Variants in SORD observed in about 807,000 individuals in gnomAD.
The protein encoded by SORD is sorbitol dehydrogenase, also known as (R,R)-butanediol dehydrogenase.
SORD carries 18 observed loss-of-function variants against 35.6 expected under a neutral mutation model. The ratio of observed to expected loss-of-function variants is 0.51; its 90% CI spans 0.35 to 0.75. The LOEUF (loss-of-function observed/expected upper bound fraction) is 0.75. SORD is among the 30% of genes least tolerant of loss of function. The pLI, the probability that SORD is intolerant of heterozygous loss-of-function variation, is 0.01. For synonymous variants in SORD, 106 were observed against 152.9 expected (o/e 0.69, Z 2.26); for missense variants, 250 against 390.2 (o/e 0.64, Z 3.03).
intron 3 of SORD, among the ~76,000 whole-genome samples, chr15:45,050,107 G>C (rs1057230621): frequency 2.6e-5 from 4 of 151,952 alleles, no homozygotes; most frequent in African/African-American, 9.7e-5. Flanking sequence ...TTTTGAGACG[G>C]AGTCTCGCAC....
intron 1 of SORD, among the ~76,000 whole-genome samples, chr15:45,037,101 A>C (rs1892880471): frequency 6.6e-6 from 1 of 152,236 alleles, no homozygotes; most frequent in African/African-American, 2.4e-5. Context: ...GACAGGAGGC[A>C]GGAGACAAGC....
rs1212259199 is a variant in SORD at position 45,068,299 on chromosome 15, T to A, written c.610+53T>A. The A allele has an allele frequency of 3.1e-6, 4 of 1,282,534 alleles. No individual in the cohort carries two copies. The South Asian group carries it at 4.7e-5, about 15-fold the overall frequency. 79.4% of individuals were successfully genotyped at this position (1,282,534 alleles called of 1,614,324 possible). A position where few individuals can be genotyped will look rare whatever the true frequency, so the allele number is the denominator to read the frequency against. ...TTGACTGGGAAACAGCGGGTCCTAC[T>A]GTATGTGCATGTGTGAGGAGAGGTT... On this transcript the variant is annotated intron_variant, in intron 6 of 8. Transcript: ENST00000267814.
chr15:45,070,793 G>A (rs575651925), intron 7 of SORD: 53 of 152,308 alleles, frequency 3.5e-4, no homozygotes, highest in African/African-American at 1.3e-3. Flanking sequence ...GTATAAGCTG[G>A]GGGACTTAAA....
chr15:45,049,918 C>T (rs926845979), intron 3 of SORD, among the ~76,000 whole-genome samples: 2 of 152,192 alleles, frequency 1.3e-5, no homozygotes, highest in Non-Finnish European at 2.9e-5. Context: ...CCAGTCCTCA[C>T]TTTTGTCAAA....
chr15:45,065,756 C>CA (rs969748751), intron 5 of SORD, among the ~76,000 whole-genome samples: 1 of 151,840 alleles, frequency 6.6e-6, no homozygotes, highest in African/African-American at 2.4e-5. Flanking sequence ...CCCGTCTCTA[C>CA]AAAAAAATAC....
chr15:45,027,018 G>A (rs1035397785), intron 1 of SORD, among the ~76,000 whole-genome samples: 1 of 152,248 alleles, frequency 6.6e-6, no homozygotes, highest in African/African-American at 2.4e-5. Context: ...CTACTAATTA[G>A]TTAATGATCA....
intron 3 of SORD, among the ~76,000 whole-genome samples, chr15:45,052,480 A>G (rs540607426): frequency 2.0e-5 from 3 of 152,326 alleles, no homozygotes; most frequent in Admixed American, 6.5e-5. Flanking sequence ...CAAAGGGCCA[A>G]TAGTGCCCTC....
rs540769973 is a variant in SORD, at chr15:45,060,397, T to C, written c.266-670T>C. Among the ~76,000 whole-genome samples, 3 of 152,162 alleles carry C rather than the reference T, an allele frequency of 2.0e-5. No homozygotes were observed. The South Asian group carries it at 6.2e-4, about 32-fold the overall frequency. ...TTAGAGAGCAGTTCTCAGGCTGGGT[T>C]TCCAAGCAGGTGTAGTGAGGCATAG... On this transcript the variant is annotated intron_variant, in intron 3 of 8. Transcript: ENST00000267814.
chr15:45,045,625 A>G (rs1442661682), intron 3 of SORD, among the ~76,000 whole-genome samples: 4 of 151,898 alleles, frequency 2.6e-5, no homozygotes, highest in African/African-American at 9.7e-5. Context: ...GGTACAGATA[A>G]GTCTGTGCTA....
intron 3 of SORD, among the ~76,000 whole-genome samples, chr15:45,055,758 C>A (rs1195134581): frequency 3.3e-5 from 5 of 152,086 alleles, no homozygotes; most frequent in Admixed American, 1.3e-4. Flanking sequence ...ACTGGCAAAC[C>A]AAATCCAGCA....
chr15:45,066,050 C>A (rs1170899544), intron 5 of SORD, among the ~76,000 whole-genome samples: 1 of 151,912 alleles, frequency 6.6e-6, no homozygotes, highest in Admixed American at 6.6e-5. Flanking sequence ...TCAAGACCAG[C>A]CTGGCCAACA....
intron 1 of SORD, among the ~76,000 whole-genome samples, chr15:45,035,464 T>C (rs270818): frequency 4.6e-5 from 7 of 151,530 alleles, no homozygotes; most frequent in African/African-American, 9.8e-5. Context: ...CTAGCTAATC[T>C]GGGGGGGAGG....
At chr15:45,039,318 G>A (rs981801099) in intron 1 of SORD, among the ~76,000 whole-genome samples, 23 of 152,110 alleles carry the variant, frequency 1.5e-4, no homozygotes, top group African/African-American at 5.1e-4. Flanking sequence ...TGGTAGAGAT[G>A]GGTGTCACCA....
At position 45,068,913 on chromosome 15, in the gene SORD, T is replaced by C. The variant is rs777880255; in HGVS notation, c.647T>C (p.Ile216Thr). ...SATRLSKAKE[I>T]GADLVLQISK... ...ACCCGATTGTCCAAAGCCAAGGAGA[T>C]TGGGGCTGATTTAGTCCTCCAGATC... The change falls in exon 7 of 9, where the codon ATT becomes ACT. Residue 216 changes from isoleucine (I) to threonine (T), a missense_variant. This residue lies in a region of SORD where 7 missense variants were observed against 27.4 expected (regional missense o/e 0.26). Coordinates refer to ENST00000267814, the MANE Select transcript of SORD (RefSeq NM_003104.6). 56 of 1,572,542 alleles carry C rather than the reference T, an allele frequency of 3.6e-5. No homozygotes were observed. The highest frequency in any genetic ancestry group is 3.4e-4 in the Middle Eastern group (2 of 5,964).
At position 45,061,166 on chromosome 15, in the gene SORD, C is replaced by T. The variant is rs762305046; in HGVS notation, c.365C>T (p.Thr122Met). 31 of 1,614,034 alleles carry T rather than the reference C, an allele frequency of 1.9e-5. No homozygotes were observed. The highest frequency in any genetic ancestry group is 1.7e-4 in the Admixed American group (10 of 59,998). Residue 122 changes from threonine to methionine, a missense_variant, in exon 4 of 9, where the codon ACG becomes ATG. Thr to Met is a moderately conservative substitution (Grantham distance 81). Coordinates refer to ENST00000267814, the MANE Select transcript of SORD (RefSeq NM_003104.6). ...TCACCTTCCATCTTCTTCTGTGCCA[C>T]GCCCCCCGATGACGGGAACCTCTGC... Reference protein sequence around the residue: ...NLSPSIFFCATPPDDGNLCRF... With the variant: ...NLSPSIFFCAMPPDDGNLCRF...
Position 45,026,616 on chromosome 15 carries a change from G to A in SORD, c.66+3267G>A, listed in dbSNP as rs374543268. Among the ~76,000 whole-genome samples the A allele has an allele frequency of 2.2e-4, 25 of 113,184 alleles. No individual in the cohort carries two copies. In the South Asian group the frequency reaches 5.5e-3, roughly 25 times the overall value. 74.3% of individuals were successfully genotyped at this position (113,184 alleles called of 152,430 possible). Reference sequence around the variant, plus strand: ...TGCCTCAGGAACTCCTATGAAGGGAGTTGTTTGGGGAAACTCTCATTCCTA... The same window carrying A: ...TGCCTCAGGAACTCCTATGAAGGGAATTGTTTGGGGAAACTCTCATTCCTA... On this transcript the variant is annotated intron_variant, in intron 1 of 8. Transcript: ENST00000267814.
Position 45,023,357 on chromosome 15 carries a change from G to T in SORD, c.66+8G>T. ...CCGGGGGACTTGCGCCTGGTAAGCTGGGAAGGAGGGTGGGAAGCATACCGA... is the reference window on the plus strand; with the variant it reads ...CCGGGGGACTTGCGCCTGGTAAGCTTGGAAGGAGGGTGGGAAGCATACCGA... On this transcript the variant is annotated splice_region_variant and intron_variant, in intron 1 of 8. Transcript: ENST00000267814. The T allele has an allele frequency of 6.4e-7, 1 of 1,567,018 alleles. No homozygotes were observed. Among genetic ancestry groups the T allele is most frequent in the African/African-American group, 1.4e-5 (1 of 72,572 alleles).
At chr15:45,053,056 T>C (rs1205769126) in intron 3 of SORD, among the ~76,000 whole-genome samples, 1 of 152,200 alleles carries the variant, frequency 6.6e-6, no homozygotes, top group Non-Finnish European at 1.5e-5. Context: ...ACTGTCTCTT[T>C]TGGAAAAGTT....
intron 3 of SORD, among the ~76,000 whole-genome samples, chr15:45,053,914 G>T (rs1437753472): frequency 5.1e-5 from 7 of 138,280 alleles, no homozygotes; most frequent in African/African-American, 1.6e-4. Flanking sequence ...TTGTCCTTGC[G>T]ATAGTTTACC....
Sources: gnomAD v4.1 joint callset for allele counts (sites outside exome capture counted in the v4.1 genomes callset) on GRCh38, gnomAD v4.1.1 for gene constraint, gnomAD v4.1.1 regional missense constraint, MANE v1.5 for transcripts, NCBI Gene and HGNC (gene_info 2026-07-23, HGNC 2026-07-21) for gene names.